Variants in RALYL observed in about 807,000 individuals in gnomAD.
RALYL encodes RNA-binding Raly-like protein.
A neutral mutation model predicts 35.1 loss-of-function variants in RALYL; 29 were observed. The observed-to-expected ratio is 0.83, with a 90% CI of 0.61 to 1.13. RALYL has a LOEUF of 1.13. Ranked by LOEUF, RALYL falls within the 50% of genes most tolerant of loss-of-function variation. RALYL has a pLI of 0.00. For synonymous variants in RALYL, 120 were observed against 127.6 expected, an observed-to-expected ratio of 0.94 and a Z score of 0.40; for missense variants, 359 against 360.4, an observed-to-expected ratio of 1.00 and a Z score of 0.03.
intron 1 of RALYL, among the ~76,000 whole-genome samples, chr8:84,258,535 T>A (rs1831619234): frequency 6.6e-6 from 1 of 152,130 alleles, no homozygotes; most frequent in South Asian, 2.1e-4. Context: ...AATAAACAAG[T>A]TGCAGTATTT....
rs1858877615 is a variant in RALYL, at chr8:84,385,012, G to T, written c.-23-144287G>T. ...GGCAATAAGATAAAGAGAACCTATT[G>T]GTACACATAGGTTGTACGAGGACCT... is the stretch of plus-strand genomic sequence containing the variant. On this transcript the variant is annotated intron_variant, in intron 1 of 8. Coordinates refer to ENST00000521268, the MANE Select transcript of RALYL (RefSeq NM_173848.7). 3.3e-5 allele frequency among the ~76,000 whole-genome samples: 5 copies of T among 151,766 alleles called. No individual in the cohort carries two copies. In the South Asian group the frequency reaches 1.0e-3, roughly 32 times the overall value.
intron 1 of RALYL, among the ~76,000 whole-genome samples, chr8:84,461,198 AT>A (rs1272489311): frequency 6.6e-6 from 1 of 151,586 alleles, no homozygotes; most frequent in Non-Finnish European, 1.5e-5. Flanking sequence ...CCTGTTTTTG[AT>A]AGTTTGCAAT....
rs549791192 is a variant in RALYL at position 84,358,718 on chromosome 8, T to A, written c.-23-170581T>A. 2.2e-4 allele frequency among the ~76,000 whole-genome samples: 33 copies of A among 152,174 alleles called. No individual in the cohort carries two copies. The South Asian group carries it at 6.4e-3, about 30-fold the overall frequency. ...CTTAACTGCACTGGTGAAACTGTGT[T>A]AATGAGGAATTGAAAATTGCTTAGT... is the stretch of plus-strand genomic sequence containing the variant. On this transcript the variant is annotated intron_variant, in intron 1 of 8. Coordinates refer to ENST00000521268, the MANE Select transcript of RALYL (RefSeq NM_173848.7).
At chr8:84,191,759 A>C (rs1734846953) in intron 1 of RALYL, among the ~76,000 whole-genome samples, 1 of 152,230 alleles carries the variant, frequency 6.6e-6, no homozygotes, top group Admixed American at 6.5e-5. Flanking sequence ...TGATACTCTA[A>C]ATAAATATAT....
At chr8:84,666,840 G>A (rs1198964775) in intron 2 of RALYL, among the ~76,000 whole-genome samples, 4 of 152,058 alleles carry the variant, frequency 2.6e-5, no homozygotes, top group Non-Finnish European at 5.9e-5. Flanking sequence ...GTTTATTCAT[G>A]TATTTATTCT....
intron 1 of RALYL, among the ~76,000 whole-genome samples, chr8:84,283,262 A>G (rs1836966905): frequency 6.6e-6 from 1 of 152,132 alleles, no homozygotes; most frequent in Admixed American, 6.5e-5. Context: ...CTTCCTGGGC[A>G]TTGCTGACCT....
chr8:84,263,817 A>G (rs1395513755), intron 1 of RALYL, among the ~76,000 whole-genome samples: 1 of 152,124 alleles, frequency 6.6e-6, no homozygotes, highest in Non-Finnish European at 1.5e-5. Context: ...CCCTGTGTCC[A>G]TGTGATCTCA....
intron 1 of RALYL, among the ~76,000 whole-genome samples, chr8:84,514,490 C>T (rs187253647): frequency 3.5e-4 from 53 of 152,166 alleles, no homozygotes; most frequent in African/African-American, 1.2e-3. Flanking sequence ...TGTTGAGGGC[C>T]CACTCTTTGC....
intron 2 of RALYL, among the ~76,000 whole-genome samples, chr8:84,728,374 G>A (rs1418289642): frequency 5.9e-5 from 9 of 151,828 alleles, no homozygotes; most frequent in African/African-American, 9.7e-5. Context: ...CTGGATATTA[G>A]CCCTTTGTCA....
chr8:84,638,965 G>GACAC (rs60361195), intron 2 of RALYL, among the ~76,000 whole-genome samples: 4,610 of 116,020 alleles, frequency 0.04, 123 homozygotes, highest in South Asian at 0.061. Flanking sequence ...CACACACACA[G>GACAC]ACACACACAC....
intron 8 of RALYL, among the ~76,000 whole-genome samples, chr8:84,908,469 G>A (rs531006981): frequency 6.6e-6 from 1 of 152,146 alleles, no homozygotes; most frequent in South Asian, 2.1e-4. Context: ...TTCTGTGCCT[G>A]GCTTATTTCA....
intron 1 of RALYL, among the ~76,000 whole-genome samples, chr8:84,302,240 C>T (rs1840938013): frequency 6.6e-6 from 1 of 152,148 alleles, no homozygotes; most frequent in Non-Finnish European, 1.5e-5. Flanking sequence ...AAGAGAGCTT[C>T]ACATCATATC....
chr8:84,873,525 G>T, intron 7 of RALYL, 128 bp downstream of exon 7: 1 of 488,894 alleles, frequency 2.0e-6, no homozygotes, highest in East Asian at 3.2e-5. Context: ...TGCCAACAAT[G>T]TCTTTAAGCC....
intron 4 of RALYL, among the ~76,000 whole-genome samples, chr8:84,807,876 T>C (rs778849671): frequency 2.0e-5 from 3 of 152,224 alleles, no homozygotes; most frequent in Non-Finnish European, 2.9e-5. Context: ...GTGTTTTTCT[T>C]ACTGATTTGA....
intron 2 of RALYL, among the ~76,000 whole-genome samples, chr8:84,696,465 G>T (rs1357124584): frequency 6.6e-6 from 1 of 151,814 alleles, no homozygotes; most frequent in African/African-American, 2.4e-5. Flanking sequence ...TAGAAGCTGG[G>T]AGCCAAAGGT....
intron 1 of RALYL, among the ~76,000 whole-genome samples, chr8:84,401,225 C>T (rs1017088157): frequency 6.6e-6 from 1 of 152,020 alleles, no homozygotes; most frequent in Non-Finnish European, 1.5e-5. Flanking sequence ...TTCTTTTCTT[C>T]TTCTTTTTTT....
intron 2 of RALYL, among the ~76,000 whole-genome samples, chr8:84,573,012 T>A (rs1201172311): frequency 6.6e-6 from 1 of 151,602 alleles, no homozygotes; most frequent in Admixed American, 6.6e-5. Flanking sequence ...CAAATCCTTT[T>A]ATTTCACTTC....
chr8:84,642,991 T>C (rs1826708613), intron 2 of RALYL, among the ~76,000 whole-genome samples: 1 of 151,978 alleles, frequency 6.6e-6, no homozygotes, highest in Non-Finnish European at 1.5e-5. Flanking sequence ...AGGATGCTTT[T>C]GGCCCAAAGG....
At chr8:84,919,474 C>A (rs1021748379) in intron 8 of RALYL, among the ~76,000 whole-genome samples, 4 of 152,028 alleles carry the variant, frequency 2.6e-5, no homozygotes, top group African/African-American at 7.2e-5. Context: ...TAAGTTCGAA[C>A]CTTTGTGCCT....
Sources: allele counts gnomAD v4.1 joint callset (sites outside exome capture counted in the v4.1 genomes callset), GRCh38; gene constraint gnomAD v4.1.1; transcripts MANE v1.5; gene names NCBI Gene and HGNC (gene_info 2026-07-23, HGNC 2026-07-21).